Variants in GRAMD2A observed in about 807,000 individuals in gnomAD.
GRAMD2A encodes GRAM domain-containing protein 2A.
A neutral mutation model predicts 51.1 loss-of-function variants in GRAMD2A; 37 were observed. The observed-to-expected ratio is 0.72, with a 90% CI of 0.56 to 0.95. The LOEUF (loss-of-function observed/expected upper bound fraction) is 0.95, where lower values mean the gene tolerates loss of function less well. Ranked by LOEUF, GRAMD2A falls within the 40% of genes least tolerant of loss-of-function variation. The pLI is 0.00. For synonymous variants in GRAMD2A, 136 were observed against 157.1 expected (o/e 0.87, Z 1.01); for missense variants, 414 against 426.9 (o/e 0.97, Z 0.27).
intron 1 of GRAMD2A, among the ~76,000 whole-genome samples, chr15:72,192,529 GA>G (rs1208078580): frequency 1.3e-5 from 2 of 151,950 alleles, no homozygotes; most frequent in African/African-American, 4.8e-5. Flanking sequence ...ACAGAAGAGA[GA>G]AAAAAAATCC....
chr15:72,195,773 AG>A (rs2081800579), intron 1 of GRAMD2A, among the ~76,000 whole-genome samples: 1 of 151,998 alleles, frequency 6.6e-6, no homozygotes. Flanking sequence ...ATACAAAATT[AG>A]CCGGGTGTGG....
At position 72,163,668 on chromosome 15, in the gene GRAMD2A, T is replaced by C. The variant is rs2081507400; in HGVS notation, c.690A>G (p.Pro230=). The change falls in exon 9 of 12, where the codon CCA becomes CCG. Residue 230 remains proline (P), a synonymous_variant. Coordinates refer to ENST00000309731, the MANE Select transcript of GRAMD2A (RefSeq NM_001012642.3). The part of the protein sequence containing the change: ...SLPDNIPCIP[P]SSVDSTDSFF... ...AACTGTCTGTGGAGTCCACGGATGA[T>C]GGAGGGATACAAGGGATGTTGTCTG... 2 of 1,608,876 alleles carry C rather than the reference T, an allele frequency of 1.2e-6. No homozygotes were observed. Among genetic ancestry groups the C allele is most frequent in the Non-Finnish European group, 1.7e-6 (2 of 1,178,634 alleles).
At chr15:72,195,541 CA>C (rs113808988) in intron 1 of GRAMD2A, among the ~76,000 whole-genome samples, 77 of 152,288 alleles carry the variant, frequency 5.1e-4, no homozygotes, top group African/African-American at 1.2e-3. Flanking sequence ...ACCTCAACCT[CA>C]GGGGGTCACG....
intron 1 of GRAMD2A, among the ~76,000 whole-genome samples, chr15:72,196,956 G>A (rs2081809380): frequency 1.3e-5 from 2 of 152,188 alleles, no homozygotes; most frequent in African/African-American, 4.8e-5. Context: ...CCCGACCTTA[G>A]GCTGTGCGGC....
chr15:72,187,713 C>T (rs1434952552), intron 1 of GRAMD2A, among the ~76,000 whole-genome samples: 1 of 152,104 alleles, frequency 6.6e-6, no homozygotes, highest in Non-Finnish European at 1.5e-5. Context: ...GGGTTCTTGC[C>T]ATGTTGGCCA....
intron 1 of GRAMD2A, among the ~76,000 whole-genome samples, chr15:72,172,395 A>G (rs922846527): frequency 6.7e-6 from 1 of 149,632 alleles, no homozygotes; most frequent in Non-Finnish European, 1.5e-5. Flanking sequence ...CTGGGATTAC[A>G]GGTGTGAGCC....
intron 1 of GRAMD2A, among the ~76,000 whole-genome samples, chr15:72,190,759 A>T (rs540418004): frequency 8.6e-5 from 13 of 151,776 alleles, no homozygotes; most frequent in African/African-American, 2.9e-4. Flanking sequence ...ACAAAGGAGT[A>T]TGTTTCTGGG....
chr15:72,181,718 T>C (rs945222196), intron 1 of GRAMD2A, among the ~76,000 whole-genome samples: 18 of 152,224 alleles, frequency 1.2e-4, no homozygotes, highest in African/African-American at 3.6e-4. Context: ...TGAGACTAAA[T>C]GAGGTAAAAA....
At chr15:72,197,581 C>T in intron 1 of GRAMD2A, 150 bp downstream of exon 1, 1 of 539,594 alleles carries the variant, frequency 1.9e-6, no homozygotes, top group Non-Finnish European at 2.6e-6. Flanking sequence ...GGCCCGGAGC[C>T]CGCATTCCGG....
intron 8 of GRAMD2A, among the ~76,000 whole-genome samples, chr15:72,164,677 T>G (rs2081521094): frequency 6.6e-6 from 1 of 150,960 alleles, no homozygotes. Context: ...AGTGCTGGGA[T>G]TACAGGCGTG....
chr15:72,186,490 A>AGTATTTTTAGT (rs2081735180), intron 1 of GRAMD2A, among the ~76,000 whole-genome samples: 2 of 151,984 alleles, frequency 1.3e-5, no homozygotes, highest in Non-Finnish European at 2.9e-5. Context: ...ACGCCCGGAT[A>AGTATTTTTAGT]ATTTTTGTAT....
chr15:72,166,977 G>A lies in GRAMD2A; in HGVS notation c.471+17C>T. 1 of 1,590,218 alleles carries A rather than the reference G, an allele frequency of 6.3e-7. No homozygotes were observed. Among genetic ancestry groups the A allele is most frequent in the Non-Finnish European group, 8.6e-7 (1 of 1,158,270 alleles). ...GAGCGGGAGACTGACAAGGGAGCAT[G>A]GGCCCAGTGCACTGACCTTCTGGCT... is the stretch of plus-strand genomic sequence containing the variant. On this transcript the variant is annotated intron_variant, in intron 6 of 11. Transcript: ENST00000309731. The surrounding 1 kb of genome is among the most constrained non-coding windows in gnomAD (Gnocchi z 4.1).
intron 1 of GRAMD2A, among the ~76,000 whole-genome samples, chr15:72,181,634 A>C (rs1238980973): frequency 1.3e-5 from 2 of 152,208 alleles, no homozygotes; most frequent in Non-Finnish European, 2.9e-5. Flanking sequence ...ATTGGATGAG[A>C]GGTAAAAACA....
chr15:72,177,043 A>T (rs1022111662), intron 1 of GRAMD2A, among the ~76,000 whole-genome samples: 16 of 150,242 alleles, frequency 1.1e-4, no homozygotes, highest in African/African-American at 1.5e-4. Context: ...TTTTTAAAAA[A>T]TTTTTTTATA....
intron 1 of GRAMD2A, among the ~76,000 whole-genome samples, chr15:72,188,165 C>T (rs918260317): frequency 1.3e-4 from 20 of 151,974 alleles, no homozygotes; most frequent in African/African-American, 4.6e-4. Flanking sequence ...GGTGAAACCC[C>T]ATCTCTACTA....
intron 1 of GRAMD2A, among the ~76,000 whole-genome samples, chr15:72,184,740 A>G (rs2081723182): frequency 6.6e-6 from 1 of 152,222 alleles, no homozygotes; most frequent in Non-Finnish European, 1.5e-5. Flanking sequence ...CTCCTTAGGA[A>G]TGCCTGCTCT....
rs200239688 is a variant in GRAMD2A at position 72,163,417 on chromosome 15, C to T, written c.805G>A (p.Gly269Ser). ...NGGRWAWPMP[G>S]WGPACPKKMP... ...TTCTTAGGGCAGGCAGGACCCCAGCCTGGCATGGGCCATGCCCACCTCCCA... is the reference window on the plus strand; with the variant it reads ...TTCTTAGGGCAGGCAGGACCCCAGCTTGGCATGGGCCATGCCCACCTCCCA... Residue 269 changes from glycine (G) to serine (S), a missense_variant, in exon 10 of 12, where the codon GGC (glycine) becomes AGC (serine). Gly to Ser is a moderately conservative substitution (Grantham distance 56, BLOSUM62 0). Transcript: ENST00000309731. 2 of 1,614,216 alleles carry T rather than the reference C, an allele frequency of 1.2e-6. No homozygotes were observed. Among genetic ancestry groups the T allele is most frequent in the South Asian group, 2.2e-5 (2 of 91,086 alleles).
chr15:72,194,671 TTTTC>T (rs1428384918), intron 1 of GRAMD2A, among the ~76,000 whole-genome samples: 3 of 151,838 alleles, frequency 2.0e-5, no homozygotes, highest in Non-Finnish European at 1.5e-5. Context: ...AACTCATATT[TTTTC>T]TTTATTATTT....
rs747019525 is a variant in GRAMD2A at position 72,170,097 on chromosome 15, G to A, written c.42-158C>T. The A allele has an allele frequency of 2.0e-5, 14 of 716,784 alleles. No individual in the cohort carries two copies. The highest frequency in any genetic ancestry group is 3.1e-4 in the Middle Eastern group (1 of 3,208). The allele number at this position is 716,784 out of a possible 1,614,324, so 44.4% of individuals were successfully genotyped here. On this transcript the variant is annotated intron_variant, in intron 1 of 11. Transcript: ENST00000309731. The surrounding 1 kb of genome is among the most constrained non-coding windows in gnomAD (Gnocchi z 4.5). ...AATGTCACAGTTCAGAGGCAGCAGCGCAGGCAGAGGTTCTGGGATGGCTGA... is the reference window on the plus strand; with the variant it reads ...AATGTCACAGTTCAGAGGCAGCAGCACAGGCAGAGGTTCTGGGATGGCTGA...
Sources: allele counts gnomAD v4.1 joint callset (sites outside exome capture counted in the v4.1 genomes callset), GRCh38; gene constraint gnomAD v4.1.1; non-coding constraint Gnocchi (gnomAD v3.1); transcripts MANE v1.5; gene names NCBI Gene and HGNC (gene_info 2026-07-23, HGNC 2026-07-21).